L3MBTL1: variants seen among roughly 807,000 people sequenced by gnomAD.
L3MBTL1 encodes L3MBTL histone methyl-lysine binding protein 1.
L3MBTL1 carries 75 observed loss-of-function variants against 105.3 expected under a neutral mutation model. The ratio of observed to expected loss-of-function variants is 0.71; its 90% CI spans 0.59 to 0.86. The LOEUF is 0.86. Among genes scored for constraint, L3MBTL1 ranks in the 40% least tolerant of loss-of-function variants. The pLI is 0.00. For synonymous variants in L3MBTL1, 452 were observed against 436.2 expected (o/e 1.04, Z -0.45); for missense variants, 1,069 against 1,126.4 (o/e 0.95, Z 0.73).
intron 6 of L3MBTL1, among the ~76,000 whole-genome samples, chr20:43,515,764 A>G (rs900338901): frequency 1.3e-5 from 2 of 152,260 alleles, no homozygotes; most frequent in African/African-American, 4.8e-5. Flanking sequence ...CTCTAGCTGC[A>G]GAAGCTGGAA....
chr20:43,522,857 CT>C (rs1386358990), intron 7 of L3MBTL1, among the ~76,000 whole-genome samples: 1 of 145,244 alleles, frequency 6.9e-6, no homozygotes, highest in African/African-American at 2.6e-5. Flanking sequence ...AATCCCAGCA[CT>C]TTAGTAGGCC....
At chr20:43,520,534 A>G (rs963061156) in intron 7 of L3MBTL1, among the ~76,000 whole-genome samples, 5 of 152,188 alleles carry the variant, frequency 3.3e-5, no homozygotes, top group African/African-American at 1.2e-4. Flanking sequence ...TGAGGATTCC[A>G]GTTTATCCCC....
At position 43,514,687 on chromosome 20, in the gene L3MBTL1, C is replaced by G; in HGVS notation, c.413C>G (p.Pro138Arg). The G allele has an allele frequency of 6.3e-7, 1 of 1,587,190 alleles. No individual in the cohort carries two copies. The highest frequency in any genetic ancestry group is 8.6e-7 in the Non-Finnish European group (1 of 1,167,186). ...PLNMAGVEQP[P>R]SPELRQEGVT... The stretch of plus-strand genomic sequence containing the variant: ...AACATGGCGGGAGTGGAGCAGCCCC[C>G]GAGCCCCGAGCTGCGGCAGGAAGGC... The change falls in exon 4 of 22, where the codon CCG becomes CGG. Residue 138 changes from proline to arginine, a missense_variant. Transcript: ENST00000418998.
chr20:43,521,054 G>A (rs1046255218), intron 7 of L3MBTL1, among the ~76,000 whole-genome samples: 1 of 152,218 alleles, frequency 6.6e-6, no homozygotes, highest in African/African-American at 2.4e-5. Context: ...TCAGTTTGGT[G>A]TTCCCAGGCG....
At chr20:43,524,668 A>G (rs1331636079) in intron 7 of L3MBTL1, among the ~76,000 whole-genome samples, 4 of 149,732 alleles carry the variant, frequency 2.7e-5, no homozygotes, top group African/African-American at 7.3e-5. Flanking sequence ...TTGTGCATCT[A>G]TTTTATGTAA....
In L3MBTL1 at chr20:43,525,459, A is replaced by T. The variant is rs6030937; in HGVS notation, c.863-3198A>T. On this transcript the variant is annotated intron_variant, in intron 7 of 21. Transcript: ENST00000418998. ...GAAAAGGGCAACCTTTCTTCACAGTAGACTCAGCCACTTGGCTTGGCAGAA... is the reference window on the plus strand; with the variant it reads ...GAAAAGGGCAACCTTTCTTCACAGTTGACTCAGCCACTTGGCTTGGCAGAA... Among the ~76,000 whole-genome samples, 1,434 of 152,288 alleles carry T rather than the reference A, an allele frequency of 9.4e-3. 45 individuals are homozygous for T. In the South Asian group the frequency reaches 0.12, roughly 12 times the overall value.
At chr20:43,532,431 A>G (rs187049793) in intron 11 of L3MBTL1, 58 of 228,426 alleles carry the variant, frequency 2.5e-4, no homozygotes, top group African/African-American at 1.2e-3. Flanking sequence ...TGTTGCCACA[A>G]CTGCCTCAGG....
At chr20:43,521,221 G>A (rs1238123569) in intron 7 of L3MBTL1, among the ~76,000 whole-genome samples, 1 of 152,304 alleles carries the variant, frequency 6.6e-6, no homozygotes, top group African/African-American at 2.4e-5. Flanking sequence ...AAAAGACCCA[G>A]CACATAGTGG....
chr20:43,528,872 G>A (rs973234260), intron 8 of L3MBTL1, 127 bp downstream of exon 8: 1 of 766,550 alleles, frequency 1.3e-6, no homozygotes, highest in Admixed American at 2.0e-5. Context: ...TGGAAAGGGA[G>A]AGACTGTTTA....
chr20:43,529,170 G>A (rs2019193361), intron 8 of L3MBTL1, 94 bp from the exon 9 acceptor site: 1 of 840,096 alleles, frequency 1.2e-6, no homozygotes, highest in South Asian at 1.5e-5. Flanking sequence ...ATACCAGGCG[G>A]GTGGGGCCTA....
At chr20:43,534,432 C>A (rs762595634) in intron 15 of L3MBTL1, 38 bp downstream of exon 15, 1 of 1,532,550 alleles carries the variant, frequency 6.5e-7, no homozygotes, top group South Asian at 1.1e-5. Flanking sequence ...GTGGACAGGC[C>A]AGTTGGGCAG....
intron 8 of L3MBTL1, 84 bp downstream of exon 8, chr20:43,528,829 CTG>C (rs1409419830): frequency 1.9e-6 from 2 of 1,033,456 alleles, no homozygotes; most frequent in African/African-American, 1.6e-5. Context: ...CTGGCGTTTT[CTG>C]TGTCAGGCAT....
At chr20:43,519,229 C>T (rs1203235002) in intron 7 of L3MBTL1, among the ~76,000 whole-genome samples, 1 of 149,682 alleles carries the variant, frequency 6.7e-6, no homozygotes, top group Admixed American at 6.7e-5. Flanking sequence ...CCCAGCTACT[C>T]GGGAGGCTGA....
intron 7 of L3MBTL1, among the ~76,000 whole-genome samples, chr20:43,517,220 T>A (rs1048117783): frequency 3.3e-5 from 5 of 152,038 alleles, no homozygotes; most frequent in South Asian, 2.1e-4. Flanking sequence ...TGCCTCAGTC[T>A]CCTGAGTAGC....
rs1600944257 is a variant in L3MBTL1 at position 43,533,014 on chromosome 20, C to T, written c.1436+90C>T. On this transcript the variant is annotated intron_variant, in intron 12 of 21. Transcript: ENST00000418998. ...ATCTCAGGTACCATGTGGCACCACT[C>T]AGTCCAGTTCTGACATTCAGATCTT... is the stretch of plus-strand genomic sequence containing the variant. 9.3e-6 allele frequency: 12 copies of T among 1,290,894 alleles called. No homozygotes were observed. The East Asian group carries it at 2.1e-4, about 23-fold the overall frequency. 80.0% of individuals were successfully genotyped at this position (1,290,894 alleles called of 1,614,324 possible).
chr20:43,541,773 A>G lies in L3MBTL1; in HGVS notation c.*645A>G. The G allele has an allele frequency of 1.0e-6, 1 of 965,094 alleles. No individual in the cohort carries two copies. The highest frequency in any genetic ancestry group is 1.8e-5 in the African/African-American group (1 of 56,874). 59.8% of individuals were successfully genotyped at this position (965,094 alleles called of 1,614,324 possible). A position where few individuals can be genotyped will look rare whatever the true frequency, so the allele number is the denominator to read the frequency against. ...TGACAGAAATGTCTTTATGTAGCAT[A>G]TGGCTGTGTATCACTAGTATATAAT... On this transcript the variant is annotated 3_prime_UTR_variant, in exon 22 of 22. Coordinates refer to ENST00000418998, the MANE Select transcript of L3MBTL1 (RefSeq NM_001377303.1).
chr20:43,509,716 C>G (rs1412733571), intron 1 of L3MBTL1, among the ~76,000 whole-genome samples: 1 of 152,206 alleles, frequency 6.6e-6, no homozygotes, highest in African/African-American at 2.4e-5. Context: ...GGAAAAGAGG[C>G]AGCGAACCCA....
At position 43,516,165 on chromosome 20, in the gene L3MBTL1, A is replaced by G; in HGVS notation, c.850A>G (p.Ser284Gly). The G allele has an allele frequency of 6.2e-7, 1 of 1,613,924 alleles. No homozygotes were observed. Among genetic ancestry groups the G allele is most frequent in the Middle Eastern group, 1.6e-4 (1 of 6,062 alleles). ...ASTPESEEWSSSQPATGEKKE... is the reference protein window; with the variant it reads ...ASTPESEEWSGSQPATGEKKE... ...CACCCCAGAGAGTGAGGAGTGGAGC[A>G]GCAGCCAGCCTGGTACGGTGGCTTG... is the stretch of plus-strand genomic sequence containing the variant. The change falls in exon 7 of 22, where the codon AGC (serine) becomes GGC (glycine). Residue 284 changes from serine to glycine, a missense_variant. By Grantham distance (56) the Ser-to-Gly change is moderately conservative. Transcript: ENST00000418998.
rs776885081 is a variant in L3MBTL1 at position 43,515,302 on chromosome 20, G to T, written c.664G>T (p.Val222Leu). The T allele has an allele frequency of 6.2e-7, 1 of 1,604,770 alleles. No homozygotes were observed. The highest frequency in any genetic ancestry group is 1.1e-5 in the South Asian group (1 of 89,730). Residue 222 changes from valine (V) to leucine (L), a missense_variant, in exon 6 of 22, where the codon GTG (valine) becomes TTG (leucine). Transcript: ENST00000418998. The stretch of plus-strand genomic sequence containing the variant: ...CTGGCCCTTCCTCAGGTCAGTCATA[G>T]TGGAGAACTCCTCAGGCTCTACCAG... ...PQLFQERSVI[V>L]ENSSGSTSAS... is the part of the protein sequence containing the mutation.
Sources: gnomAD v4.1 joint callset for allele counts (sites outside exome capture counted in the v4.1 genomes callset) on GRCh38, gnomAD v4.1.1 for gene constraint, MANE v1.5 for transcripts, NCBI Gene and HGNC (gene_info 2026-07-23, HGNC 2026-07-21) for gene names.